RANBP10: variants seen among roughly 807,000 people sequenced by gnomAD.
The protein encoded by RANBP10 is RAN binding protein 10.
In RANBP10, 24 loss-of-function variants were observed where a neutral mutation model predicts 72.8. That is an observed-to-expected ratio of 0.33 (90% confidence interval 0.24 to 0.46). The LOEUF is 0.46. Ranked by LOEUF, RANBP10 falls within the 20% of genes least tolerant of loss-of-function variation. The probability of loss-of-function intolerance (pLI) is 1.00; values close to 1 mark genes in which losing one functional copy is unlikely to be tolerated. For missense variants in RANBP10, 679 were observed against 817.5 expected, an observed-to-expected ratio of 0.83 and a Z score of 2.07; for synonymous variants, 310 against 322.3, an observed-to-expected ratio of 0.96 and a Z score of 0.41.
chr16:67,731,063 G>A, intron 7 of RANBP10: 1 of 216,910 alleles, frequency 4.6e-6, no homozygotes, highest in Non-Finnish European at 9.3e-6. Flanking sequence ...TGCCCTATCT[G>A]ACCACTTCAG....
chr16:67,744,355 G>T lies in RANBP10; in HGVS notation c.501C>A (p.Asp167Glu), dbSNP rs373521031. Residue 167 changes from aspartate to glutamate, a missense_variant, in exon 4 of 14, where the codon GAC becomes GAA. By Grantham distance (45) the Asp-to-Glu change is conservative. Coordinates refer to ENST00000317506, the MANE Select transcript of RANBP10 (RefSeq NM_020850.3). The stretch of plus-strand genomic sequence containing the variant: ...TGAGGTTGACACAGCAGCCGATCAC[G>T]TCTCCTGTGGTGAATGTGGGACCAT... ...QPYGPTFTTG[D>E]VIGCCVNLIN... 1.9e-6 allele frequency: 3 copies of T among 1,614,224 alleles called. No individual in the cohort carries two copies. Among genetic ancestry groups the T allele is most frequent in the South Asian group, 1.1e-5 (1 of 91,088 alleles).
At chr16:67,752,567 A>G (rs1414398395) in intron 3 of RANBP10, among the ~76,000 whole-genome samples, 2 of 152,200 alleles carry the variant, frequency 1.3e-5, no homozygotes, top group African/African-American at 4.8e-5. Context: ...GAGCTGTAAT[A>G]TATCTTCAAC....
intron 3 of RANBP10, among the ~76,000 whole-genome samples, chr16:67,746,887 A>C (rs1036920850): frequency 7.2e-5 from 11 of 152,160 alleles, no homozygotes; most frequent in Non-Finnish European, 1.2e-4. Flanking sequence ...GCTGAGTAGT[A>C]CTCCATGTTA....
intron 3 of RANBP10, among the ~76,000 whole-genome samples, chr16:67,765,661 C>G (rs1261232161): frequency 4.0e-5 from 6 of 151,312 alleles, no homozygotes; most frequent in African/African-American, 1.5e-4. Context: ...ACGGTGAGAC[C>G]CCATCTCTAC....
intron 3 of RANBP10, among the ~76,000 whole-genome samples, chr16:67,771,065 C>A (rs879610933): frequency 3.3e-4 from 50 of 152,254 alleles, no homozygotes; most frequent in Middle Eastern, 3.4e-3. Flanking sequence ...GAGTTCAAGA[C>A]CAGCCTGGGC....
intron 2 of RANBP10, among the ~76,000 whole-genome samples, chr16:67,802,002 G>A (rs1384209310): frequency 6.6e-6 from 1 of 151,948 alleles, no homozygotes; most frequent in Non-Finnish European, 1.5e-5. Flanking sequence ...AGCTGAGGTG[G>A]GAGGATTGAC....
At chr16:67,731,293 C>T (rs916810852) in intron 7 of RANBP10, 179 bp downstream of exon 7, 2 of 568,290 alleles carry the variant, frequency 3.5e-6, no homozygotes, top group Non-Finnish European at 6.3e-6. Context: ...ATCCTGCCAA[C>T]TGTCCATCTG....
chr16:67,805,627 C>T, intron 1 of RANBP10, 88 bp from the exon 2 acceptor site: 1 of 1,067,402 alleles, frequency 9.4e-7, no homozygotes, highest in Non-Finnish European at 1.4e-6. Context: ...CATGACAACT[C>T]CACTCCTCTG....
At chr16:67,796,324 A>C (rs1442184587) in intron 2 of RANBP10, among the ~76,000 whole-genome samples, 1 of 152,212 alleles carries the variant, frequency 6.6e-6, no homozygotes, top group Non-Finnish European at 1.5e-5. Context: ...AATTTCAGAT[A>C]CATGGCTTTA....
intron 3 of RANBP10, among the ~76,000 whole-genome samples, chr16:67,765,381 C>A (rs2054481396): frequency 6.6e-6 from 1 of 151,622 alleles, no homozygotes; most frequent in East Asian, 1.9e-4. Context: ...ACAAAATTAG[C>A]TGGGCGTGGT....
chr16:67,731,569 G>A lies in RANBP10; in HGVS notation c.792C>T (p.Tyr264=). 6.2e-7 allele frequency: 1 copy of A among 1,613,934 alleles called. No homozygotes were observed. Among genetic ancestry groups the A allele is most frequent in the South Asian group, 1.1e-5 (1 of 91,076 alleles). ...TGGCACAATACCCATGATGCACGAG[G>A]TAAGATGAAACCATGCTAGAAGAAA... ...QAVLQNMVSS[Y]LVHHGYCATA... is the part of the protein sequence containing the mutation. Residue 264 remains tyrosine (Y), a synonymous_variant, in exon 7 of 14, where the codon TAC becomes TAT. Transcript: ENST00000317506.
chr16:67,762,590 A>C (rs1266244001), intron 3 of RANBP10: 1 of 152,232 alleles, frequency 6.6e-6, no homozygotes. Flanking sequence ...TAGTCCTGAC[A>C]TACAGAAAAG....
intron 3 of RANBP10, among the ~76,000 whole-genome samples, chr16:67,751,862 G>A (rs533276817): frequency 2.0e-5 from 3 of 151,746 alleles, no homozygotes; most frequent in Non-Finnish European, 4.4e-5. Flanking sequence ...ATTGCAGTGA[G>A]CTGAAATCGC....
intron 2 of RANBP10, among the ~76,000 whole-genome samples, chr16:67,775,450 A>G (rs1291297443): frequency 2.6e-5 from 4 of 152,194 alleles, no homozygotes; most frequent in African/African-American, 7.2e-5. Flanking sequence ...ATCAGACAAG[A>G]AAAAGGAATG....
intron 2 of RANBP10, among the ~76,000 whole-genome samples, chr16:67,772,674 A>G (rs994086459): frequency 6.6e-6 from 1 of 152,164 alleles, no homozygotes; most frequent in Non-Finnish European, 1.5e-5. Flanking sequence ...AGGCCCCCAG[A>G]GACCCCCTCA....
intron 3 of RANBP10, among the ~76,000 whole-genome samples, chr16:67,770,483 G>GT (rs1159378481): frequency 2.0e-5 from 3 of 151,980 alleles, no homozygotes; most frequent in Non-Finnish European, 2.9e-5. Flanking sequence ...TAGAAAAGAC[G>GT]TAAGGTCTGA....
chr16:67,775,473 A>G (rs2054686825), intron 2 of RANBP10, among the ~76,000 whole-genome samples: 1 of 152,096 alleles, frequency 6.6e-6, no homozygotes, highest in Admixed American at 6.6e-5. Context: ...AGGCATCCAA[A>G]TTGGAAAGGA....
intron 3 of RANBP10, among the ~76,000 whole-genome samples, chr16:67,754,729 G>T (rs2054257271): frequency 6.6e-6 from 1 of 152,218 alleles, no homozygotes; most frequent in Non-Finnish European, 1.5e-5. Flanking sequence ...GTAGCCCTGG[G>T]TGCCAGGAAA....
At chr16:67,773,765 C>T (rs868313677) in intron 2 of RANBP10, among the ~76,000 whole-genome samples, 1 of 152,168 alleles carries the variant, frequency 6.6e-6, no homozygotes, top group Non-Finnish European at 1.5e-5. Flanking sequence ...TTTCATAGTT[C>T]GAAGGGAACT....
Sources: gnomAD v4.1 joint callset for allele counts (sites outside exome capture counted in the v4.1 genomes callset) on GRCh38, gnomAD v4.1.1 for gene constraint, MANE v1.5 for transcripts, NCBI Gene and HGNC (gene_info 2026-07-23, HGNC 2026-07-21) for gene names.